Variants in ETV6 observed in about 807,000 individuals in gnomAD.
ETV6 encodes ETS variant transcription factor 6, also known as transcription factor ETV6.
A neutral mutation model predicts 51.1 loss-of-function variants in ETV6; 16 were observed. The ratio of observed to expected loss-of-function variants is 0.31; its 90% CI spans 0.21 to 0.48. The LOEUF (loss-of-function observed/expected upper bound fraction) is 0.48, where lower values mean the gene tolerates loss of function less well. Ranked by LOEUF, ETV6 falls within the 20% of genes least tolerant of loss-of-function variation. The pLI, the probability that ETV6 is intolerant of heterozygous loss-of-function variation, is 0.99. For missense variants in ETV6, 458 were observed against 594.8 expected, an observed-to-expected ratio of 0.77 and a Z score of 2.39; for synonymous variants, 240 against 224.1, an observed-to-expected ratio of 1.07 and a Z score of -0.64.
intron 1 of ETV6, among the ~76,000 whole-genome samples, chr12:11,697,686 GTGTC>G (rs1264160904): frequency 1.3e-5 from 2 of 152,352 alleles, no homozygotes; most frequent in African/African-American, 4.8e-5. Flanking sequence ...CAATGGAAAA[GTGTC>G]TGAGTAGTGT....
chr12:11,738,307 C>CTTTTTTTTTT (rs59241338), intron 1 of ETV6, among the ~76,000 whole-genome samples: 2 of 114,026 alleles, frequency 1.8e-5, no homozygotes, highest in African/African-American at 7.8e-5. Context: ...TTTGTTTTTG[C>CTTTTTTTTTT]TTTTTTTTTT....
intron 7 of ETV6, among the ~76,000 whole-genome samples, chr12:11,889,117 T>TG (rs1319724997): frequency 2.0e-5 from 3 of 150,924 alleles, no homozygotes; most frequent in South Asian, 4.2e-4. Context: ...AGGGGTGGTT[T>TG]GGGGGGCCAA....
At chr12:11,820,422 A>C (rs926531746) in intron 2 of ETV6, among the ~76,000 whole-genome samples, 1 of 152,196 alleles carries the variant, frequency 6.6e-6, no homozygotes, top group Non-Finnish European at 1.5e-5. Flanking sequence ...TGATTAGTAA[A>C]ATTATTAGGT....
chr12:11,751,473 G>A (rs959438818), intron 1 of ETV6: 66 of 517,870 alleles, frequency 1.3e-4, no homozygotes, highest in African/African-American at 1.3e-3. Flanking sequence ...TGGACTGCAA[G>A]TCAACCTAGT....
chr12:11,756,552 C>A (rs1193142741), intron 2 of ETV6, among the ~76,000 whole-genome samples: 2 of 152,144 alleles, frequency 1.3e-5, no homozygotes, highest in African/African-American at 4.8e-5. Flanking sequence ...AGACCAAGGA[C>A]CCCCAAGGGT....
chr12:11,698,871 A>C (rs558188059), intron 1 of ETV6, among the ~76,000 whole-genome samples: 6 of 152,316 alleles, frequency 3.9e-5, no homozygotes, highest in African/African-American at 1.4e-4. Flanking sequence ...CCTCTGAGTT[A>C]GGTATTACTA....
intron 1 of ETV6, among the ~76,000 whole-genome samples, chr12:11,650,388 C>T (rs1863872068): frequency 6.8e-6 from 1 of 148,132 alleles, no homozygotes; most frequent in African/African-American, 2.5e-5. Context: ...GCCCCCACCC[C>T]CTTGCTTTTT....
At chr12:11,725,626 C>G (rs1185941614) in intron 1 of ETV6, among the ~76,000 whole-genome samples, 1 of 152,160 alleles carries the variant, frequency 6.6e-6, no homozygotes, top group African/African-American at 2.4e-5. Flanking sequence ...GACCTGATCT[C>G]CAGTGTTGGA....
At chr12:11,759,868 A>G (rs1195440549) in intron 2 of ETV6, among the ~76,000 whole-genome samples, 1 of 152,266 alleles carries the variant, frequency 6.6e-6, no homozygotes, top group Admixed American at 6.5e-5. Flanking sequence ...AGCAGTTTCC[A>G]TGCTCAAATA....
At chr12:11,863,926 G>C (rs1946754473) in intron 4 of ETV6, among the ~76,000 whole-genome samples, 1 of 152,200 alleles carries the variant, frequency 6.6e-6, no homozygotes, top group Admixed American at 6.5e-5. Context: ...AGACCACCAG[G>C]AGCCTGGAAT....
chr12:11,757,522 C>T (rs1220503699), intron 2 of ETV6, among the ~76,000 whole-genome samples: 1 of 151,714 alleles, frequency 6.6e-6, no homozygotes, highest in Non-Finnish European at 1.5e-5. Context: ...TATTGTCTCA[C>T]TTAATTGTAC....
rs1865194320 is a variant in ETV6, at chr12:11,712,622, G to A, written c.34-39828G>A. On this transcript the variant is annotated intron_variant, in intron 1 of 7. Transcript: ENST00000396373. ...GACCCTGGGAAGAGTTGATGTTGCA[G>A]TCAGGAGGCTGAACTTCCTCTTCCT... Among the ~76,000 whole-genome samples, 3 of 152,214 alleles carry A rather than the reference G, an allele frequency of 2.0e-5. No homozygotes were observed. The South Asian group carries it at 6.2e-4, about 32-fold the overall frequency.
intron 1 of ETV6, among the ~76,000 whole-genome samples, chr12:11,734,205 T>C (rs573881529): frequency 6.6e-6 from 1 of 152,348 alleles, no homozygotes; most frequent in South Asian, 2.1e-4. Flanking sequence ...AACTCCATAG[T>C]AGATAATAGT....
chr12:11,881,439 G>A (rs531116292), intron 5 of ETV6, among the ~76,000 whole-genome samples: 6 of 152,324 alleles, frequency 3.9e-5, no homozygotes, highest in East Asian at 1.9e-4. Flanking sequence ...TAGTTGGTAC[G>A]CAATAGATAC....
At chr12:11,878,021 G>T (rs753421055) in intron 5 of ETV6, among the ~76,000 whole-genome samples, 1 of 152,196 alleles carries the variant, frequency 6.6e-6, no homozygotes, top group Non-Finnish European at 1.5e-5. Context: ...GGGAAGGCCT[G>T]TGTGGGGTGC....
chr12:11,790,121 T>C (rs1458288552), intron 2 of ETV6, among the ~76,000 whole-genome samples: 2 of 151,598 alleles, frequency 1.3e-5, no homozygotes, highest in Non-Finnish European at 2.9e-5. Context: ...GTTTCTGATA[T>C]CATACTTTTA....
At chr12:11,805,363 G>A (rs149823575) in intron 2 of ETV6, among the ~76,000 whole-genome samples, 1 of 152,144 alleles carries the variant, frequency 6.6e-6, no homozygotes, top group African/African-American at 2.4e-5. Context: ...CTCCCATTCT[G>A]TTGTCTTGTG....
At chr12:11,691,495 C>T (rs1485499278) in intron 1 of ETV6, among the ~76,000 whole-genome samples, 2 of 152,156 alleles carry the variant, frequency 1.3e-5, no homozygotes, top group Non-Finnish European at 2.9e-5. Flanking sequence ...AAATGGAACA[C>T]ATAAAAACAT....
At chr12:11,705,894 G>T (rs1865065041) in intron 1 of ETV6, among the ~76,000 whole-genome samples, 1 of 152,218 alleles carries the variant, frequency 6.6e-6, no homozygotes, top group African/African-American at 2.4e-5. Context: ...TAATATCCAT[G>T]GAGGCACAGA....
Sources: allele counts gnomAD v4.1 joint callset (sites outside exome capture counted in the v4.1 genomes callset), GRCh38; gene constraint gnomAD v4.1.1; transcripts MANE v1.5; gene names NCBI Gene and HGNC (gene_info 2026-07-23, HGNC 2026-07-21).